RPS6KB2: variants seen among roughly 807,000 people sequenced by gnomAD.
RPS6KB2 encodes the protein ribosomal protein S6 kinase beta-2.
A neutral mutation model predicts 58.2 loss-of-function variants in RPS6KB2; 51 were observed. The observed-to-expected ratio is 0.88, with a 90% CI of 0.70 to 1.11. The LOEUF (loss-of-function observed/expected upper bound fraction) is 1.11. Among genes scored for constraint, RPS6KB2 ranks in the 50% least tolerant of loss-of-function variants. The pLI is 0.00. For missense variants in RPS6KB2, 671 were observed against 655.8 expected (o/e 1.02, Z -0.25); for synonymous variants, 293 against 258.6 (o/e 1.13, Z -1.28).
At chr11:67,433,918 A>T (rs1192115407) in intron 10 of RPS6KB2, 77 bp from the exon 11 acceptor site, 7 of 1,512,252 alleles carry the variant, frequency 4.6e-6, no homozygotes, top group Non-Finnish European at 6.4e-6. Context: ...CCTGACCCCT[A>T]CTCCAGCTAG....
chr11:67,428,809 C>T, intron 1 of RPS6KB2, 173 bp from the exon 2 acceptor site: 1 of 940,996 alleles, frequency 1.1e-6, no homozygotes, highest in South Asian at 1.4e-5. Flanking sequence ...AGAACCCCAG[C>T]CTTTTCTCCC....
At chr11:67,430,560 G>C (rs1397602952) in intron 4 of RPS6KB2, 1 of 152,212 alleles carries the variant, frequency 6.6e-6, no homozygotes, top group East Asian at 1.9e-4. Flanking sequence ...GCCTCCCAAA[G>C]TGCTGGGATT....
chr11:67,434,606 G>A lies in RPS6KB2; in HGVS notation c.1180G>A (p.Val394Ile). ...FLGFTYVAPS[V>I]LDSIKEGFSF... The stretch of plus-strand genomic sequence containing the variant: ...GGGCTTCACATACGTGGCGCCGTCT[G>A]TCCTGGACAGCATCAAGGAGGGCTT... Residue 394 changes from valine to isoleucine, a missense_variant, in exon 14 of 15, where the codon GTC (valine) becomes ATC (isoleucine). Coordinates refer to ENST00000312629, the MANE Select transcript of RPS6KB2 (RefSeq NM_003952.3). The A allele has an allele frequency of 6.2e-7, 1 of 1,608,142 alleles. No individual in the cohort carries two copies. Among genetic ancestry groups the A allele is most frequent in the Non-Finnish European group, 8.5e-7 (1 of 1,178,672 alleles).
At position 67,431,466 on chromosome 11, in the gene RPS6KB2, T is replaced by C; in HGVS notation, c.408T>C (p.Tyr136=). Residue 136 remains tyrosine, a synonymous_variant, in exon 5 of 15, where the codon TAT becomes TAC. Coordinates refer to ENST00000312629, the MANE Select transcript of RPS6KB2 (RefSeq NM_003952.3). The part of the protein sequence containing the change: ...VKHPFIVELA[Y]AFQTGGKLYL... ...ACCCCTTTATTGTGGAACTGGCCTA[T>C]GCCTTCCAGACTGGTGGCAAACTCT... is the stretch of plus-strand genomic sequence containing the variant. 4 of 1,614,158 alleles carry C rather than the reference T, an allele frequency of 2.5e-6. No homozygotes were observed. Among genetic ancestry groups the C allele is most frequent in the Non-Finnish European group, 2.5e-6 (3 of 1,180,020 alleles).
At chr11:67,429,050 G>A (rs1465188004) in intron 2 of RPS6KB2, 28 bp downstream of exon 2, 7 of 1,613,594 alleles carry the variant, frequency 4.3e-6, no homozygotes, top group Non-Finnish European at 5.9e-6. Flanking sequence ...TGGGGGAGGG[G>A]GGAATGGAGT....
chr11:67,434,454 C>T lies in RPS6KB2; in HGVS notation c.1125C>T (p.Ala375=), dbSNP rs574678845. ...QTPVDSPDDT[A]LSESANQAFL... is the part of the protein sequence containing the mutation. ...CGGTGGACAGTCCTGATGACACAGCCCTCAGCGAGAGTGCCAACCAGGCCT... is the reference window on the plus strand; with the variant it reads ...CGGTGGACAGTCCTGATGACACAGCTCTCAGCGAGAGTGCCAACCAGGCCT... The change falls in exon 13 of 15, where the codon GCC becomes GCT. Residue 375 remains alanine (A), a synonymous_variant. Transcript: ENST00000312629. The T allele has an allele frequency of 3.9e-5, 63 of 1,612,802 alleles. No individual in the cohort carries two copies. The South Asian group carries it at 6.7e-4, about 17-fold the overall frequency.
rs769135654 is a variant in RPS6KB2, at chr11:67,434,490, T to G, written c.1155+6T>G. 4 of 1,608,630 alleles carry G rather than the reference T, an allele frequency of 2.5e-6. No individual in the cohort carries two copies. Among genetic ancestry groups the G allele is most frequent in the Non-Finnish European group, 3.4e-6 (4 of 1,177,344 alleles). ...GTGCCAACCAGGCCTTCCTGGTGAG[T>G]GCGGGGGCCTGAGGCCTGTGGGACC... is the stretch of plus-strand genomic sequence containing the variant. On this transcript the variant is annotated splice_donor_region_variant and intron_variant, in intron 13 of 14. Transcript: ENST00000312629.
In RPS6KB2 at chr11:67,429,136, G is replaced by A; in HGVS notation, c.136G>A (p.Glu46Lys). 6.2e-7 allele frequency: 1 copy of A among 1,613,986 alleles called. No individual in the cohort carries two copies. Among genetic ancestry groups the A allele is most frequent in the Non-Finnish European group, 8.5e-7 (1 of 1,180,044 alleles). ...TGTCCGTAGGCCTGTGGGACACTATGAAGAGGTGGAGCTGACTGAGACCAG... is the reference window on the plus strand; with the variant it reads ...TGTCCGTAGGCCTGTGGGACACTATAAAGAGGTGGAGCTGACTGAGACCAG... ...AAGLEPVGHYEEVELTETSVN... is the reference protein window; with the variant it reads ...AAGLEPVGHYKEVELTETSVN... Residue 46 changes from glutamate to lysine, a missense_variant, in exon 3 of 15, where the codon GAA becomes AAA. Physicochemically the swap from Glu to Lys is moderately conservative, Grantham distance 56 (BLOSUM62 1). Transcript: ENST00000312629.
rs1166439066 is a variant in RPS6KB2, at chr11:67,433,123, C to G, written c.708-3C>G. On this transcript the variant is annotated splice_polypyrimidine_tract_variant and splice_region_variant and intron_variant, in intron 8 of 14. Coordinates refer to ENST00000312629, the MANE Select transcript of RPS6KB2 (RefSeq NM_003952.3). The stretch of plus-strand genomic sequence containing the variant: ...CTGACTGACAGTTCCACCTGGACCC[C>G]AGGGCCCCTGAGATTCTGGTGCGCA... 2 of 1,605,142 alleles carry G rather than the reference C, an allele frequency of 1.2e-6. No homozygotes were observed. Among genetic ancestry groups the G allele is most frequent in the Admixed American group, 1.7e-5 (1 of 58,512 alleles).
Position 67,435,181 on chromosome 11 carries a change from G to A in RPS6KB2, c.*12G>A. ...GTCCAGGGCGCTAGGAAGCCGGGTG[G>A]GGGTGAGGGTAGCCCTTGAGCCCTG... On this transcript the variant is annotated 3_prime_UTR_variant, in exon 15 of 15. Transcript: ENST00000312629. The A allele has an allele frequency of 1.9e-6, 3 of 1,551,104 alleles. No homozygotes were observed. Among genetic ancestry groups the A allele is most frequent in the Admixed American group, 1.9e-5 (1 of 53,674 alleles).
At chr11:67,432,914 T>C in intron 7 of RPS6KB2, 38 bp from the exon 8 acceptor site, 1 of 1,609,974 alleles carries the variant, frequency 6.2e-7, no homozygotes, top group African/African-American at 1.3e-5. Flanking sequence ...GTGGGTGGGG[T>C]GGGGCCCTGG....
intron 3 of RPS6KB2, 85 bp from the exon 4 acceptor site, chr11:67,429,442 G>T: frequency 6.8e-7 from 1 of 1,461,754 alleles, no homozygotes; most frequent in South Asian, 1.2e-5. Flanking sequence ...TAGGCCTCCT[G>T]ATCCCAAAGC....
Position 67,432,842 on chromosome 11 carries a change from G to A in RPS6KB2, c.616+5G>A, listed in dbSNP as rs375438432. On this transcript the variant is annotated splice_donor_5th_base_variant and intron_variant, in intron 7 of 14. Transcript: ENST00000312629. ...ACATCATGCTCAGCAGCCAGGGTGCGCATGTGTGTGCGGGCAGCTGCAGGC... is the reference window on the plus strand; with the variant it reads ...ACATCATGCTCAGCAGCCAGGGTGCACATGTGTGTGCGGGCAGCTGCAGGC... The A allele has an allele frequency of 2.9e-5, 46 of 1,612,998 alleles. No homozygotes were observed. Among genetic ancestry groups the A allele is most frequent in the Non-Finnish European group, 3.5e-5 (41 of 1,179,478 alleles).
Position 67,432,999 on chromosome 11 carries a change from G to T in RPS6KB2, c.664G>T (p.Glu222Ter). ...TGGACTCTGCAAGGAGTCTATCCAT[G>T]AGGGCGCCGTCACTCACACCTTCTG... ...DFGLCKESIH[E>*]GAVTHTFCGT... Residue 222 changes from glutamate (E) to a stop codon, truncating the protein, a stop_gained, in exon 8 of 15, where the codon GAG becomes TAG. Coordinates refer to ENST00000312629, the MANE Select transcript of RPS6KB2 (RefSeq NM_003952.3). LOFTEE classifies it high-confidence loss of function. 3 of 1,613,450 alleles carry T rather than the reference G, an allele frequency of 1.9e-6. No individual in the cohort carries two copies. Among genetic ancestry groups the T allele is most frequent in the Non-Finnish European group, 2.5e-6 (3 of 1,180,038 alleles).
At chr11:67,430,445 A>G (rs1590971398) in intron 4 of RPS6KB2, 1 of 148,168 alleles carries the variant, frequency 6.7e-6, no homozygotes, top group African/African-American at 2.5e-5. Context: ...GTGAACCACC[A>G]CTCCTGGCTA....
intron 3 of RPS6KB2, 39 bp downstream of exon 3, chr11:67,429,279 C>T (rs747853092): frequency 6.2e-7 from 1 of 1,608,594 alleles, no homozygotes; most frequent in Admixed American, 1.7e-5. Context: ...CTCACAGCCT[C>T]CATCTGGAGG....
At chr11:67,433,844 C>A (rs1019521005) in intron 10 of RPS6KB2, 151 bp from the exon 11 acceptor site, 2 of 870,404 alleles carry the variant, frequency 2.3e-6, no homozygotes, top group Non-Finnish European at 1.9e-6. Flanking sequence ...ATTGACCAAA[C>A]CTTGAAAGCC....
intron 5 of RPS6KB2, chr11:67,432,070 C>G (rs183042478): frequency 5.9e-6 from 2 of 341,856 alleles, no homozygotes; most frequent in Non-Finnish European, 1.1e-5. Flanking sequence ...TCAAGCCTTG[C>G]CCCTAGGCCG....
Position 67,432,531 on chromosome 11 carries a change from A to G in RPS6KB2, c.458-69A>G. ...TATGAGCCCCTCTTTCCCCAAGAAG[A>G]AATAAAGACTCAGAAAGCACAAAGG... On this transcript the variant is annotated intron_variant, in intron 5 of 14. Coordinates refer to ENST00000312629, the MANE Select transcript of RPS6KB2 (RefSeq NM_003952.3). 3 of 1,541,028 alleles carry G rather than the reference A, an allele frequency of 1.9e-6. 1 individual carries two copies.
Sources: allele counts gnomAD v4.1 joint callset, GRCh38; gene constraint gnomAD v4.1.1; transcripts MANE v1.5; gene names NCBI Gene and HGNC (gene_info 2026-07-23, HGNC 2026-07-21).